TNN: variants seen among roughly 807,000 people sequenced by gnomAD.
The protein encoded by TNN is tenascin-N.
In TNN, 122 loss-of-function variants were observed where a neutral mutation model predicts 134.4. The ratio of observed to expected loss-of-function variants is 0.91; its 90% CI spans 0.78 to 1.06. TNN has a LOEUF of 1.06. Among genes scored for constraint, TNN ranks in the 50% least tolerant of loss-of-function variants. TNN has a pLI of 0.00. For synonymous variants in TNN, 710 were observed against 670.3 expected (o/e 1.06, Z -0.91); for missense variants, 1,739 against 1,699.4 (o/e 1.02, Z -0.41).
intron 9 of TNN, among the ~76,000 whole-genome samples, chr1:175,103,410 C>T (rs577231899): frequency 4.8e-5 from 7 of 145,992 alleles, no homozygotes; most frequent in Non-Finnish European, 7.6e-5. Context: ...GTCACTGCTG[C>T]CAAAGAGTCT....
chr1:175,132,031 CA>C (rs1222192133), intron 15 of TNN, among the ~76,000 whole-genome samples: 1 of 151,670 alleles, frequency 6.6e-6, no homozygotes, highest in East Asian at 1.9e-4. Flanking sequence ...CTTTGTAATG[CA>C]TTCTAGGGGG....
In TNN at chr1:175,077,390, T is replaced by C. The variant is rs764704644; in HGVS notation, c.-29T>C. The C allele has an allele frequency of 6.3e-7, 1 of 1,588,490 alleles. No homozygotes were observed. The highest frequency in any genetic ancestry group is 8.6e-7 in the Non-Finnish European group (1 of 1,165,888). On this transcript the variant is annotated 5_prime_UTR_variant, in exon 2 of 19. Transcript: ENST00000239462. ...GCAATGTTTCTGAATACAGGCATCC[T>C]GGAGGGTCTGCTCCCTGTCTTTCCA...
Position 175,123,487 on chromosome 1 carries a change from A to G in TNN, c.2738A>G (p.Asp913Gly). ...VSWDPVQATI[D>G]KYMVRYTSAD... Reference sequence around the variant, plus strand: ...TGGGACCCGGTTCAGGCCACCATTGACAAGTACATGGTGCGCTACACCTCT... The same window carrying G: ...TGGGACCCGGTTCAGGCCACCATTGGCAAGTACATGGTGCGCTACACCTCT... The change falls in exon 12 of 19, where the codon GAC becomes GGC. Residue 913 changes from aspartate to glycine, a missense_variant. Transcript: ENST00000239462. The G allele has an allele frequency of 6.2e-7, 1 of 1,614,220 alleles. No homozygotes were observed. The highest frequency in any genetic ancestry group is 8.5e-7 in the Non-Finnish European group (1 of 1,180,040).
chr1:175,117,006 C>T lies in TNN; in HGVS notation c.2187C>T (p.Asp729=), dbSNP rs140019623. 146 of 1,614,214 alleles carry T rather than the reference C, an allele frequency of 9.0e-5. No homozygotes were observed. The African/African-American group carries it at 1.8e-3, about 20-fold the overall frequency. Residue 729 remains aspartate, a synonymous_variant, in exon 10 of 19, where the codon GAC becomes GAT. Coordinates refer to ENST00000239462, the MANE Select transcript of TNN (RefSeq NM_022093.2). ...VTENMATVSW[D]PVRATIDRYV... ...AGAATATGGCCACTGTCTCCTGGGA[C>T]CCGGTGCGGGCCACCATTGACAGGT...
chr1:175,079,438 C>A lies in TNN; in HGVS notation c.515C>A (p.Pro172His). 1.3e-6 allele frequency: 2 copies of A among 1,581,066 alleles called. No homozygotes were observed. The highest frequency in any genetic ancestry group is 1.7e-4 in the Middle Eastern group (1 of 6,016). Reference protein sequence around the residue: ...EGPACERLACPGACSGHGRCV... With the variant: ...EGPACERLACHGACSGHGRCV... ...CCCGCCTGCGAGCGGCTGGCCTGCCCCGGGGCGTGCAGCGGCCACGGGCGT... is the reference window on the plus strand; with the variant it reads ...CCCGCCTGCGAGCGGCTGGCCTGCCACGGGGCGTGCAGCGGCCACGGGCGT... The change falls in exon 3 of 19, where the codon CCC becomes CAC. Residue 172 changes from proline (P) to histidine (H), a missense_variant. Coordinates refer to ENST00000239462, the MANE Select transcript of TNN (RefSeq NM_022093.2).
intron 1 of TNN, among the ~76,000 whole-genome samples, chr1:175,072,873 T>C (rs1027164022): frequency 6.7e-6 from 1 of 150,146 alleles, no homozygotes; most frequent in Non-Finnish European, 1.5e-5. Context: ...AAACAAATGC[T>C]GTAGACCTGG....
intron 11 of TNN, among the ~76,000 whole-genome samples, chr1:175,120,599 A>C (rs771737046): frequency 6.6e-6 from 1 of 152,186 alleles, no homozygotes; most frequent in Non-Finnish European, 1.5e-5. Context: ...AAGAGGCATG[A>C]TGAAAGTCAG....
At position 175,116,973 on chromosome 1, in the gene TNN, G is replaced by A. The variant is rs144059945; in HGVS notation, c.2154G>A (p.Arg718=). The A allele has an allele frequency of 5.1e-5, 83 of 1,614,026 alleles. No individual in the cohort carries two copies. The highest frequency in any genetic ancestry group is 6.7e-5 in the Non-Finnish European group (79 of 1,180,034). ...GCCCCCAAAACCTGGTGACCGACCG[G>A]GTGACAGAGAATATGGCCACTGTCT... is the stretch of plus-strand genomic sequence containing the variant. ...IDSPQNLVTD[R]VTENMATVSW... Residue 718 remains arginine (R), a synonymous_variant, in exon 10 of 19, where the codon CGG becomes CGA. Coordinates refer to ENST00000239462, the MANE Select transcript of TNN (RefSeq NM_022093.2).
Position 175,094,182 on chromosome 1 carries a change from C to CA in TNN, c.1518dup (p.Tyr507IlefsTer8). 1 of 1,614,088 alleles carries CA rather than the reference C, an allele frequency of 6.2e-7. No individual in the cohort carries two copies. Among genetic ancestry groups the CA allele is most frequent in the Non-Finnish European group, 8.5e-7 (1 of 1,179,978 alleles). ...CTGACGGGCCTGAAGCCAGGAGAGG[C>CA]ATACAAGGTCTACGTGTGGGCTGAA... is the stretch of plus-strand genomic sequence containing the variant. On this transcript the variant is annotated frameshift_variant, in exon 7 of 19. Transcript: ENST00000239462. LOFTEE classifies it high-confidence loss of function.
chr1:175,137,328 T>A (rs968823602), intron 17 of TNN, among the ~76,000 whole-genome samples: 1 of 151,970 alleles, frequency 6.6e-6, no homozygotes, highest in African/African-American at 2.4e-5. Flanking sequence ...TTCATTCGGC[T>A]TTAGCAGTGT....
At chr1:175,127,189 C>A in intron 13 of TNN, 104 bp downstream of exon 13, 1 of 1,388,410 alleles carries the variant, frequency 7.2e-7, no homozygotes, top group African/African-American at 1.4e-5. Context: ...ACTTGCTGAT[C>A]TTTACTGATC....
At chr1:175,126,743 G>A (rs1008667118) in intron 12 of TNN, among the ~76,000 whole-genome samples, 3 of 152,120 alleles carry the variant, frequency 2.0e-5, no homozygotes, top group African/African-American at 4.8e-5. Context: ...CCCACCCAAC[G>A]CCCTGTTCTT....
chr1:175,123,268 T>G, intron 11 of TNN, 132 bp from the exon 12 acceptor site: 2 of 1,083,988 alleles, frequency 1.8e-6, no homozygotes, highest in Non-Finnish European at 2.7e-6. Flanking sequence ...CCAGGGGCCT[T>G]TGACTCGTGT....
chr1:175,104,047 A>G (rs1275697977), intron 9 of TNN, among the ~76,000 whole-genome samples: 1 of 145,828 alleles, frequency 6.9e-6, no homozygotes, highest in Non-Finnish European at 1.5e-5. Flanking sequence ...TGGCTAATAT[A>G]TCCCTCCCTA....
chr1:175,135,844 G>T lies in TNN; in HGVS notation c.3331-1G>T. On this transcript the variant is annotated splice_acceptor_variant, in intron 15 of 18. Coordinates refer to ENST00000239462, the MANE Select transcript of TNN (RefSeq NM_022093.2). LOFTEE classifies it high-confidence loss of function. ...AGTGAAGTATTCATCTTCCTTCTCA[G>T]GTCTTCCAGAGGCGGAACACTGGGC... is the stretch of plus-strand genomic sequence containing the variant. 6.2e-7 allele frequency: 1 copy of T among 1,612,728 alleles called. No homozygotes were observed. Among genetic ancestry groups the T allele is most frequent in the Non-Finnish European group, 8.5e-7 (1 of 1,178,820 alleles).
chr1:175,143,152 GA>G (rs763270629), intron 17 of TNN, among the ~76,000 whole-genome samples: 44 of 152,324 alleles, frequency 2.9e-4, no homozygotes, highest in Non-Finnish European at 4.4e-4. Flanking sequence ...GAAGTTCCTA[GA>G]GTCTAACCTT....
At chr1:175,108,423 G>A (rs1210532189) in intron 9 of TNN, among the ~76,000 whole-genome samples, 1 of 152,260 alleles carries the variant, frequency 6.6e-6, no homozygotes, top group Non-Finnish European at 1.5e-5. Context: ...GGGGCTGCAG[G>A]TGGAGCTGCC....
chr1:175,088,875 C>T (rs1346481011), intron 6 of TNN, among the ~76,000 whole-genome samples: 4 of 152,212 alleles, frequency 2.6e-5, no homozygotes, highest in African/African-American at 9.6e-5. Flanking sequence ...CAAACAGTTT[C>T]TCCACTGCAG....
chr1:175,136,596 G>C (rs1461222320), intron 16 of TNN, among the ~76,000 whole-genome samples: 2 of 152,088 alleles, frequency 1.3e-5, no homozygotes, highest in Non-Finnish European at 2.9e-5. Context: ...ATTCCTTCTG[G>C]GGTTACCCTG....
Sources: allele counts gnomAD v4.1 joint callset (sites outside exome capture counted in the v4.1 genomes callset), GRCh38; gene constraint gnomAD v4.1.1; transcripts MANE v1.5; gene names NCBI Gene and HGNC (gene_info 2026-07-23, HGNC 2026-07-21).